The following PIKFYVE variants were observed in gnomAD, a reference collection of about 807,000 sequenced individuals.
PIKFYVE encodes the protein phosphoinositide kinase, FYVE-type zinc finger containing.
PIKFYVE carries 122 observed loss-of-function variants against 257.9 expected under a neutral mutation model. That is an observed-to-expected ratio of 0.47 (90% CI 0.41 to 0.55). The LOEUF (loss-of-function observed/expected upper bound fraction) is 0.55. Among genes scored for constraint, PIKFYVE ranks in the 20% least tolerant of loss-of-function variants. The pLI, the probability that PIKFYVE is intolerant of heterozygous loss-of-function variation, is 0.00. For synonymous variants in PIKFYVE, 892 were observed against 868.9 expected, an observed-to-expected ratio of 1.03 and a Z score of -0.47; for missense variants, 2,160 against 2,536.6, an observed-to-expected ratio of 0.85 and a Z score of 3.19.
At chr2:208,313,036 T>C (rs1238508537) in intron 13 of PIKFYVE, among the ~76,000 whole-genome samples, 1 of 152,224 alleles carries the variant, frequency 6.6e-6, no homozygotes, top group East Asian at 1.9e-4. Flanking sequence ...TGGCCCTTTA[T>C]GTAATTGAAA....
Position 208,336,216 on chromosome 2 carries a change from C to G in PIKFYVE, c.4520+16C>G, listed in dbSNP as rs778870691. On this transcript the variant is annotated intron_variant, in intron 27 of 41. Coordinates refer to ENST00000264380, the MANE Select transcript of PIKFYVE (RefSeq NM_015040.4). ...GGAATAACAGGTGTGATTTTGCAGT[C>G]TGGTTTTCTTTAATATTATTGCCAC... 3 of 1,613,628 alleles carry G rather than the reference C, an allele frequency of 1.9e-6. No homozygotes were observed. Among genetic ancestry groups the G allele is most frequent in the Admixed American group, 1.7e-5 (1 of 59,986 alleles).
intron 7 of PIKFYVE, among the ~76,000 whole-genome samples, chr2:208,297,421 C>G (rs888018750): frequency 6.6e-6 from 1 of 152,102 alleles, no homozygotes; most frequent in African/African-American, 2.4e-5. Flanking sequence ...TCAGTGATTT[C>G]CTGTTAACTG....
chr2:208,348,503 C>G (rs1248689974), intron 35 of PIKFYVE, among the ~76,000 whole-genome samples: 1 of 151,688 alleles, frequency 6.6e-6, no homozygotes, highest in Non-Finnish European at 1.5e-5. Context: ...AATCCCATCA[C>G]TTTGGGAGGC....
upstream of PIKFYVE, chr2:208,266,212 G>T (rs112184189): frequency 2.0e-5 from 3 of 147,186 alleles, no homozygotes; most frequent in Non-Finnish European, 4.5e-5. Flanking sequence ...ATTTCGGACT[G>T]GGGGACAGGA....
Position 208,358,302 on chromosome 2 carries a change from C to T in PIKFYVE, c.*2997C>T, listed in dbSNP as rs1432406808. 2 of 152,406 alleles carry T rather than the reference C, an allele frequency of 1.3e-5. No homozygotes were observed. The highest frequency in any genetic ancestry group is 2.4e-5 in the African/African-American group (1 of 41,366). The allele number at this position is 152,406 out of a possible 1,614,324, so 9.4% of individuals were successfully genotyped here. A position where few individuals can be genotyped will look rare whatever the true frequency, so the allele number is the denominator to read the frequency against. The stretch of plus-strand genomic sequence containing the variant: ...AGAGTGAAAACTGTTGTGAATGAGC[C>T]TGATCATAAAACGGACCAGGCCATT... On this transcript the variant is annotated 3_prime_UTR_variant, in exon 42 of 42. Coordinates refer to ENST00000264380, the MANE Select transcript of PIKFYVE (RefSeq NM_015040.4).
rs121918336 is a variant in PIKFYVE at position 208,326,119 on chromosome 2, A to G, written c.3308A>G (p.Lys1103Arg). 1.9e-6 allele frequency: 3 copies of G among 1,614,060 alleles called. No homozygotes were observed. Among genetic ancestry groups the G allele is most frequent in the South Asian group, 1.1e-5 (1 of 91,094 alleles). Reference sequence around the variant, plus strand: ...TTCAAAGAAATGGAGAACAGGAGGAAGAAACAGCTGCTCAGGGATCTCTCT... The same window carrying G: ...TTCAAAGAAATGGAGAACAGGAGGAGGAAACAGCTGCTCAGGGATCTCTCT... ...KEFKEMENRR[K>R]KQLLRDLSGL... Residue 1103 changes from lysine (K) to arginine (R), a missense_variant, in exon 20 of 42, where the codon AAG becomes AGG. By Grantham distance (26) the Lys-to-Arg change is conservative. Around this residue, in one of 12 missense-constraint regions of PIKFYVE, gnomAD observed 522 missense variants for 514.6 expected, o/e 1.01. Coordinates refer to ENST00000264380, the MANE Select transcript of PIKFYVE (RefSeq NM_015040.4).
At chr2:208,314,632 C>T (rs1695273338) in intron 14 of PIKFYVE, among the ~76,000 whole-genome samples, 1 of 152,210 alleles carries the variant, frequency 6.6e-6, no homozygotes, top group South Asian at 2.1e-4. Context: ...GGTGCAGTGG[C>T]TCACGCCTGT....
intron 31 of PIKFYVE, 38 bp downstream of exon 31, chr2:208,340,169 G>A: frequency 1.9e-6 from 3 of 1,609,254 alleles, no homozygotes; most frequent in African/African-American, 2.7e-5. Context: ...TAGCAGGGGG[G>A]TTATTTTTCC....
chr2:208,289,262 G>A (rs4673391), intron 7 of PIKFYVE, among the ~76,000 whole-genome samples: 112,898 of 152,128 alleles, frequency 0.74, 44,132 homozygotes, highest in East Asian at 0.93. Context: ...GAAGCTGTTG[G>A]AGAGTTTTAC....
At chr2:208,331,043 A>G (rs1697483493) in intron 23 of PIKFYVE, among the ~76,000 whole-genome samples, 2 of 152,188 alleles carry the variant, frequency 1.3e-5, no homozygotes, top group African/African-American at 4.8e-5. Flanking sequence ...TGAAAAAAAG[A>G]ATAAGGAATG....
chr2:208,280,175 C>T (rs1690621462), intron 5 of PIKFYVE, among the ~76,000 whole-genome samples: 1 of 152,150 alleles, frequency 6.6e-6, no homozygotes, highest in Non-Finnish European at 1.5e-5. Flanking sequence ...ATGTTAGCTT[C>T]CTAGGTCTGC....
Position 208,333,305 on chromosome 2 carries a change from T to C in PIKFYVE, c.3964-10T>C, listed in dbSNP as rs761044919. 7.4e-6 allele frequency: 12 copies of C among 1,613,556 alleles called. No homozygotes were observed. Among genetic ancestry groups the C allele is most frequent in the Non-Finnish European group, 8.5e-6 (10 of 1,179,748 alleles). On this transcript the variant is annotated splice_polypyrimidine_tract_variant and intron_variant, in intron 23 of 41. Coordinates refer to ENST00000264380, the MANE Select transcript of PIKFYVE (RefSeq NM_015040.4). ...ATGTGATTAGGTAAACTATTTTTGC[T>C]GAATTCCAGGTAACACCAGTTGTTG...
At chr2:208,314,168 A>G in intron 13 of PIKFYVE, 126 bp from the exon 14 acceptor site, 1 of 1,067,676 alleles carries the variant, frequency 9.4e-7, no homozygotes. Flanking sequence ...TTGCCTTTTT[A>G]CACCAATAAT....
chr2:208,302,164 T>A, intron 9 of PIKFYVE, 78 bp from the exon 10 acceptor site: 1 of 1,249,426 alleles, frequency 8.0e-7, no homozygotes, highest in South Asian at 1.2e-5. Flanking sequence ...AAAAAATATT[T>A]TAAGGTTGTG....
intron 17 of PIKFYVE, among the ~76,000 whole-genome samples, chr2:208,321,171 C>G (rs1696161359): frequency 6.6e-6 from 1 of 152,242 alleles, no homozygotes; most frequent in South Asian, 2.1e-4. Flanking sequence ...CTCCTTTTCT[C>G]CCATAAATAC....
Position 208,355,949 on chromosome 2 carries a change from A to T in PIKFYVE, c.*644A>T, listed in dbSNP as rs4675757. 142,002 of 152,730 alleles carry T rather than the reference A, an allele frequency of 0.93. 66,556 individuals carry two copies. The highest frequency in any genetic ancestry group is 0.98 in the Non-Finnish European group (66,886 of 68,060). 9.5% of individuals were successfully genotyped at this position (152,730 alleles called of 1,614,324 possible). On this transcript the variant is annotated 3_prime_UTR_variant, in exon 42 of 42. Coordinates refer to ENST00000264380, the MANE Select transcript of PIKFYVE (RefSeq NM_015040.4). The stretch of plus-strand genomic sequence containing the variant: ...TTTAAAATTTTGTCTTCTCTGTGGA[A>T]GACAGGAGGCTACAGCAATTAACTT...
At chr2:208,274,578 A>T (rs1321434123) in intron 3 of PIKFYVE, among the ~76,000 whole-genome samples, 1 of 152,178 alleles carries the variant, frequency 6.6e-6, no homozygotes, top group Non-Finnish European at 1.5e-5. Flanking sequence ...CAGAACAAAG[A>T]GAAACTGAGC....
chr2:208,285,164 T>C (rs1691390891), intron 5 of PIKFYVE, among the ~76,000 whole-genome samples: 2 of 152,328 alleles, frequency 1.3e-5, no homozygotes, highest in South Asian at 4.1e-4. Context: ...GGCACAGTCT[T>C]GGCTCACTGC....
rs1698492702 is a variant in PIKFYVE at position 208,339,444 on chromosome 2, A to C, written c.4699A>C (p.Ser1567Arg). The C allele has an allele frequency of 6.2e-7, 1 of 1,614,198 alleles. No individual in the cohort carries two copies. Among genetic ancestry groups the C allele is most frequent in the African/African-American group, 1.3e-5 (1 of 75,064 alleles). Reference protein sequence around the residue: ...KEDRFLTTLSSQSSTSSTHLQ... With the variant: ...KEDRFLTTLSRQSSTSSTHLQ... ...GGATCGCTTCTTAACAACTTTGTCC[A>C]GCCAGAGCTCCACCAGTTCTACTCA... Residue 1567 changes from serine to arginine, a missense_variant, in exon 30 of 42, where the codon AGC (serine) becomes CGC (arginine). Ser to Arg is a moderately radical substitution (Grantham distance 110). Coordinates refer to ENST00000264380, the MANE Select transcript of PIKFYVE (RefSeq NM_015040.4).
Sources: allele counts gnomAD v4.1 joint callset (sites outside exome capture counted in the v4.1 genomes callset), GRCh38; gene constraint gnomAD v4.1.1; regional missense constraint gnomAD v4.1.1; transcripts MANE v1.5; gene names NCBI Gene and HGNC (gene_info 2026-07-23, HGNC 2026-07-21).